The following UNC5C variants were observed in gnomAD, a reference collection of about 807,000 sequenced individuals.
UNC5C encodes unc-5 netrin receptor C, also known as netrin receptor UNC5C.
A neutral mutation model predicts 99.8 loss-of-function variants in UNC5C; 47 were observed. That is an observed-to-expected ratio of 0.47 (90% confidence interval 0.37 to 0.60). UNC5C has a LOEUF of 0.60. Ranked by LOEUF, UNC5C falls within the 20% of genes least tolerant of loss-of-function variation. The pLI is 0.00. For missense variants in UNC5C, 1,062 were observed against 1,165.9 expected, an observed-to-expected ratio of 0.91 and a Z score of 1.30; for synonymous variants, 487 against 452.2, an observed-to-expected ratio of 1.08 and a Z score of -0.98.
In UNC5C at chr4:95,425,433, T is replaced by C. The variant is rs1336563593; in HGVS notation, c.125-89802A>G. Among the ~76,000 whole-genome samples the C allele has an allele frequency of 5.3e-5, 8 of 152,232 alleles. No individual in the cohort carries two copies. The East Asian group carries it at 1.3e-3, about 26-fold the overall frequency. ...GCCTCCCGGGCTCCCGCCATTCTCC[T>C]GCTTCAGCGTCGCGAGTAACTGGGA... On this transcript the variant is annotated intron_variant, in intron 1 of 15. Transcript: ENST00000453304.
At chr4:95,343,689 A>G (rs1046445607) in intron 1 of UNC5C, among the ~76,000 whole-genome samples, 6 of 152,114 alleles carry the variant, frequency 3.9e-5, no homozygotes, top group Admixed American at 3.3e-4. Flanking sequence ...AATCTAAGAT[A>G]ACATAGAGAA....
chr4:95,477,628 C>A lies in UNC5C; in HGVS notation c.124+71106G>T, dbSNP rs201274211. The stretch of plus-strand genomic sequence containing the variant: ...CTCATCCCTGTCCATGTTCATTCAC[C>A]CAGCAGCCTTATAAAAGGGTTGCCT... On this transcript the variant is annotated intron_variant, in intron 1 of 15. Coordinates refer to ENST00000453304, the MANE Select transcript of UNC5C (RefSeq NM_003728.4). 3.9e-5 allele frequency among the ~76,000 whole-genome samples: 6 copies of A among 152,102 alleles called. No homozygotes were observed. The East Asian group carries it at 1.2e-3, about 30-fold the overall frequency.
chr4:95,467,969 T>G (rs550424836), intron 1 of UNC5C, among the ~76,000 whole-genome samples: 4 of 152,130 alleles, frequency 2.6e-5, no homozygotes, highest in Non-Finnish European at 4.4e-5. Flanking sequence ...GTCTTCATTC[T>G]CATTTTCTTC....
intron 1 of UNC5C, among the ~76,000 whole-genome samples, chr4:95,407,259 TG>T (rs754645256): frequency 3.3e-5 from 5 of 152,156 alleles, no homozygotes; most frequent in Non-Finnish European, 7.4e-5. Context: ...AGGTGTTTTT[TG>T]GGATACGAGG....
At chr4:95,202,021 T>C (rs1022914001) in intron 12 of UNC5C, among the ~76,000 whole-genome samples, 3 of 152,152 alleles carry the variant, frequency 2.0e-5, no homozygotes, top group Non-Finnish European at 4.4e-5. Context: ...TTAGGGCCAA[T>C]CATCAAATAT....
intron 1 of UNC5C, among the ~76,000 whole-genome samples, chr4:95,382,135 G>A (rs1247187801): frequency 2.0e-5 from 3 of 151,944 alleles, no homozygotes; most frequent in Non-Finnish European, 2.9e-5. Context: ...GATCATTACT[G>A]TGGCCCTTCA....
intron 1 of UNC5C, among the ~76,000 whole-genome samples, chr4:95,498,176 C>T (rs1453998796): frequency 6.6e-6 from 1 of 151,982 alleles, no homozygotes; most frequent in African/African-American, 2.4e-5. Flanking sequence ...GAAATAGCAA[C>T]TACTGCTTAT....
At chr4:95,297,512 AT>A (rs1435948938) in intron 3 of UNC5C, among the ~76,000 whole-genome samples, 1 of 152,322 alleles carries the variant, frequency 6.6e-6, no homozygotes, top group East Asian at 1.9e-4. Context: ...GTACAATAGA[AT>A]TCTTGATCTC....
intron 3 of UNC5C, among the ~76,000 whole-genome samples, chr4:95,282,455 G>T (rs549461475): frequency 1.3e-5 from 2 of 152,270 alleles, no homozygotes; most frequent in Admixed American, 1.3e-4. Flanking sequence ...CCCTCTGAAG[G>T]TTCACTGGAA....
At chr4:95,207,260 C>G (rs1408102231) in intron 10 of UNC5C, among the ~76,000 whole-genome samples, 2 of 152,160 alleles carry the variant, frequency 1.3e-5, no homozygotes, top group African/African-American at 4.8e-5. Flanking sequence ...TGAGGACACT[C>G]TAGAACTAAA....
intron 1 of UNC5C, among the ~76,000 whole-genome samples, chr4:95,401,182 T>C (rs948420389): frequency 2.0e-5 from 3 of 152,144 alleles, no homozygotes; most frequent in Non-Finnish European, 4.4e-5. Flanking sequence ...TTGTTCTTAG[T>C]AGAGTGCCTA....
At chr4:95,301,346 C>T (rs1333392831) in intron 3 of UNC5C, among the ~76,000 whole-genome samples, 4 of 151,956 alleles carry the variant, frequency 2.6e-5, no homozygotes, top group Admixed American at 6.6e-5. Context: ...CAGGCGCCTG[C>T]CACCATGCCC....
chr4:95,405,007 C>A (rs1409893031), intron 1 of UNC5C, among the ~76,000 whole-genome samples: 1 of 152,182 alleles, frequency 6.6e-6, no homozygotes. Flanking sequence ...GCTTCCCATC[C>A]ATCCTGCTGA....
intron 1 of UNC5C, among the ~76,000 whole-genome samples, chr4:95,487,989 G>T (rs1721374302): frequency 6.6e-6 from 1 of 151,668 alleles, no homozygotes; most frequent in Non-Finnish European, 1.5e-5. Flanking sequence ...CCATCCCATT[G>T]TCTTCAAAAC....
chr4:95,256,932 T>C (rs1397082149), intron 4 of UNC5C, among the ~76,000 whole-genome samples: 1 of 151,880 alleles, frequency 6.6e-6, no homozygotes, highest in African/African-American at 2.4e-5. Context: ...CTAGACTTTT[T>C]ATGTTTCTGT....
chr4:95,474,223 T>G (rs145611218), intron 1 of UNC5C, among the ~76,000 whole-genome samples: 23 of 152,104 alleles, frequency 1.5e-4, no homozygotes, highest in Non-Finnish European at 2.8e-4. Flanking sequence ...AAAGTTGAGA[T>G]GGAATCAAAC....
At chr4:95,476,610 T>C (rs1478118229) in intron 1 of UNC5C, among the ~76,000 whole-genome samples, 1 of 152,126 alleles carries the variant, frequency 6.6e-6, no homozygotes, top group Non-Finnish European at 1.5e-5. Context: ...TTCCAAAATA[T>C]TGTTCGTTCT....
At chr4:95,288,611 C>T (rs553816278) in intron 3 of UNC5C, among the ~76,000 whole-genome samples, 6 of 152,306 alleles carry the variant, frequency 3.9e-5, no homozygotes, top group African/African-American at 1.4e-4. Context: ...TTTCACTGAG[C>T]CATAATCAAA....
intron 10 of UNC5C, among the ~76,000 whole-genome samples, chr4:95,208,937 GTTA>G (rs1208416954): frequency 2.6e-5 from 4 of 152,104 alleles, no homozygotes; most frequent in South Asian, 2.1e-4. Context: ...GGTAGCAGTT[GTTA>G]TTATTGTTAA....
Sources: gnomAD v4.1 joint callset for allele counts (sites outside exome capture counted in the v4.1 genomes callset) on GRCh38, gnomAD v4.1.1 for gene constraint, MANE v1.5 for transcripts, NCBI Gene and HGNC (gene_info 2026-07-23, HGNC 2026-07-21) for gene names.